OR2Z1: variants seen among roughly 807,000 people sequenced by gnomAD.
The protein encoded by OR2Z1 is olfactory receptor 2Z1.
For synonymous variants in OR2Z1, 188 were observed against 160.6 expected (o/e 1.17, Z -1.29); for missense variants, 449 against 401.8 (o/e 1.12, Z -1.00).
chr19:8,722,504 G>A (rs965170270), intron 1 of OR2Z1, among the ~76,000 whole-genome samples: 1 of 152,104 alleles, frequency 6.6e-6, no homozygotes, highest in East Asian at 1.9e-4. Context: ...TGAGGAAAAC[G>A]GGAAAGGGAC....
chr19:8,722,430 C>T (rs1376855872), intron 1 of OR2Z1, among the ~76,000 whole-genome samples: 4 of 152,124 alleles, frequency 2.6e-5, no homozygotes, highest in African/African-American at 7.2e-5. Context: ...AATAATGTAG[C>T]TCCTTTCTTC....
chr19:8,732,023 C>CAA lies in OR2Z1; in HGVS notation c.*50_*51insAA. ...TCCAGCGGTCCTCGATCCCACCCAC[C>CAA]TTCCCAAAGTATGCATTTGGCATTC... On this transcript the variant is annotated 3_prime_UTR_variant, in exon 3 of 3. Coordinates refer to ENST00000641125, the MANE Select transcript of OR2Z1 (RefSeq NM_001004699.3). 7.1e-7 allele frequency: 1 copy of CAA among 1,416,336 alleles called. No individual in the cohort carries two copies. Among genetic ancestry groups the CAA allele is most frequent in the East Asian group, 2.3e-5 (1 of 43,548 alleles). The allele number at this position is 1,416,336 out of a possible 1,614,324, so 87.7% of individuals were successfully genotyped here.
rs2043359987 is a variant in OR2Z1, at chr19:8,731,935, A to G, written c.907A>G (p.Lys303Glu). 9 of 1,614,148 alleles carry G rather than the reference A, an allele frequency of 5.6e-6. No individual in the cohort carries two copies. Among genetic ancestry groups the G allele is most frequent in the African/African-American group, 2.7e-5 (2 of 75,056 alleles). Residue 303 changes from lysine to glutamate, a missense_variant, in exon 3 of 3, where the codon AAA becomes GAA. Lys to Glu is a moderately conservative substitution (Grantham distance 56, BLOSUM62 1). Coordinates refer to ENST00000641125, the MANE Select transcript of OR2Z1 (RefSeq NM_001004699.3). ...TCCGGAGGTGTGGATGGCTTTGGTC[A>G]AAGTGCTTAGCAGAGCTGGACTCAG... ...RNPEVWMALVKVLSRAGLRQM... is the reference protein window; with the variant it reads ...RNPEVWMALVEVLSRAGLRQM...
At chr19:8,722,890 G>C (rs2043312851) in intron 1 of OR2Z1, among the ~76,000 whole-genome samples, 1 of 151,988 alleles carries the variant, frequency 6.6e-6, no homozygotes, top group South Asian at 2.1e-4. Context: ...TGCACACCTG[G>C]AGTCCCAGCT....
intron 1 of OR2Z1, among the ~76,000 whole-genome samples, chr19:8,722,882 C>A (rs2043312817): frequency 6.6e-6 from 1 of 152,012 alleles, no homozygotes; most frequent in African/African-American, 2.4e-5. Context: ...TGTGGTGGTG[C>A]ACACCTGGAG....
chr19:8,731,393 G>C lies in OR2Z1; in HGVS notation c.365G>C (p.Arg122Pro). The change falls in exon 3 of 3, where the codon CGT (arginine) becomes CCT (proline). Residue 122 changes from arginine (R) to proline (P), a missense_variant. Arg to Pro is a moderately radical substitution (Grantham distance 103). Transcript: ENST00000641125. ...GVLLVLMSYD[R>P]YVAVCQPLQY... is the part of the protein sequence containing the mutation. ...CTGTTGGTCCTCATGTCTTATGACC[G>C]TTATGTTGCTGTGTGCCAGCCCCTG... 6.2e-7 allele frequency: 1 copy of C among 1,614,124 alleles called. No homozygotes were observed. Among genetic ancestry groups the C allele is most frequent in the South Asian group, 1.1e-5 (1 of 91,080 alleles).
At chr19:8,729,010 G>A in intron 2 of OR2Z1, 2 of 800,726 alleles carry the variant, frequency 2.5e-6, no homozygotes, top group East Asian at 2.8e-5. Flanking sequence ...TTTCTCCTGG[G>A]GGTGCTCTTT....
chr19:8,723,788 C>T (rs1449628668), intron 2 of OR2Z1, among the ~76,000 whole-genome samples: 1 of 152,148 alleles, frequency 6.6e-6, no homozygotes, highest in Non-Finnish European at 1.5e-5. Flanking sequence ...GTGCAGAAGC[C>T]TTCCCCACCA....
chr19:8,724,006 G>GTGTGTGTGTT (rs1228567527), intron 2 of OR2Z1, among the ~76,000 whole-genome samples: 34 of 120,548 alleles, frequency 2.8e-4, no homozygotes, highest in African/African-American at 1.7e-3. Flanking sequence ...GTGTGTGTGT[G>GTGTGTGTGTT]TGTGTATGTG....
intron 2 of OR2Z1, among the ~76,000 whole-genome samples, chr19:8,724,590 C>T (rs1160581041): frequency 6.6e-6 from 1 of 152,090 alleles, no homozygotes; most frequent in Non-Finnish European, 1.5e-5. Flanking sequence ...AACAGCTTCC[C>T]CAGCCACCTC....
At chr19:8,722,133 T>G (rs2043310175) in intron 1 of OR2Z1, 91 bp downstream of exon 1, 1 of 152,152 alleles carries the variant, frequency 6.6e-6, no homozygotes. Flanking sequence ...ATTTAACAAC[T>G]ATTTACTGAG....
At chr19:8,729,657 C>T (rs1178993994) in intron 2 of OR2Z1, among the ~76,000 whole-genome samples, 1 of 151,662 alleles carries the variant, frequency 6.6e-6, no homozygotes, top group Non-Finnish European at 1.5e-5. Flanking sequence ...ATGGTGCGAT[C>T]TCGGCTCACT....
At chr19:8,724,215 G>A (rs142584710) in intron 2 of OR2Z1, among the ~76,000 whole-genome samples, 1 of 142,412 alleles carries the variant, frequency 7.0e-6, no homozygotes, top group Non-Finnish European at 1.5e-5. Context: ...ATTCATAGAG[G>A]TATTAATACC....
rs1555756420 is a variant in OR2Z1 at position 8,728,863 on chromosome 19, A to C, written c.-169-1997A>C. 3 of 643,618 alleles carry C rather than the reference A, an allele frequency of 4.7e-6. No individual in the cohort carries two copies. The African/African-American group carries it at 5.4e-5, about 12-fold the overall frequency. The allele number at this position is 643,618 out of a possible 1,614,324, so 39.9% of individuals were successfully genotyped here. On this transcript the variant is annotated intron_variant, in intron 2 of 2. Coordinates refer to ENST00000641125, the MANE Select transcript of OR2Z1 (RefSeq NM_001004699.3). ...TTGGCCACATCCATGTCATAGAGCT[A>C]CTTCACATGCTGTTTGATCTGGTGC...
intron 2 of OR2Z1, among the ~76,000 whole-genome samples, chr19:8,723,968 TTGTGTGTG>T (rs55655760): frequency 0.034 from 4,467 of 132,800 alleles, 83 homozygotes; most frequent in African/African-American, 0.057. Context: ...GGGAGTCTGT[TTGTGTGTG>T]TGTGTGTGTG....
chr19:8,731,806 A>G lies in OR2Z1; in HGVS notation c.778A>G (p.Met260Val), dbSNP rs61746161. ...TTATGGTGCCGCCGTGTTCATGTACATGGTGCCTTGCGCCTACCACAGTCC... is the reference window on the plus strand; with the variant it reads ...TTATGGTGCCGCCGTGTTCATGTACGTGGTGCCTTGCGCCTACCACAGTCC... ...LFYGAAVFMY[M>V]VPCAYHSPQQ... Residue 260 changes from methionine to valine, a missense_variant, in exon 3 of 3, where the codon ATG (methionine) becomes GTG (valine). Physicochemically the swap from Met to Val is conservative, Grantham distance 21. Transcript: ENST00000641125. The G allele has an allele frequency of 1.9e-6, 3 of 1,614,034 alleles. No individual in the cohort carries two copies. The highest frequency in any genetic ancestry group is 2.5e-6 in the Non-Finnish European group (3 of 1,180,040).
intron 1 of OR2Z1, 140 bp downstream of exon 1, chr19:8,722,182 GAAAT>G (rs749797918): frequency 3.3e-5 from 5 of 151,344 alleles, no homozygotes; most frequent in Non-Finnish European, 7.4e-5. Context: ...GAGAATGTGA[GAAAT>G]AAATAAATAA....
At chr19:8,728,210 C>G (rs1252209940) in intron 2 of OR2Z1, among the ~76,000 whole-genome samples, 7 of 152,184 alleles carry the variant, frequency 4.6e-5, no homozygotes, top group Non-Finnish European at 1.0e-4. Flanking sequence ...CATGGTCTTT[C>G]AGAATAATCT....
Position 8,731,037 on chromosome 19 carries a change from T to G in OR2Z1, c.9T>G (p.Asp3Glu), listed in dbSNP as rs782250360. The stretch of plus-strand genomic sequence containing the variant: ...AGTGCATTGTGTAAAACATGGGGGA[T>G]GTGAATCAGTCGGTGGCCTCAGACT... MG[D>E]VNQSVASDFI... Residue 3 changes from aspartate (D) to glutamate (E), a missense_variant, in exon 3 of 3, where the codon GAT (aspartate) becomes GAG (glutamate). By Grantham distance (45) the Asp-to-Glu change is conservative. Transcript: ENST00000641125. 1 of 1,613,934 alleles carries G rather than the reference T, an allele frequency of 6.2e-7. No homozygotes were observed. The highest frequency in any genetic ancestry group is 8.5e-7 in the Non-Finnish European group (1 of 1,179,834).
Sources: gnomAD v4.1 joint callset for allele counts (sites outside exome capture counted in the v4.1 genomes callset) on GRCh38, gnomAD v4.1.1 for gene constraint, MANE v1.5 for transcripts, NCBI Gene and HGNC (gene_info 2026-07-23, HGNC 2026-07-21) for gene names.